Variants in RIDA observed in about 807,000 individuals in gnomAD.
RIDA encodes the protein reactive intermediate imine deaminase A.
In RIDA, 17 loss-of-function variants were observed where a neutral mutation model predicts 17.8. The ratio of observed to expected loss-of-function variants is 0.96; its 90% CI spans 0.65 to 1.43. The LOEUF (loss-of-function observed/expected upper bound fraction) is 1.43, where lower values mean the gene tolerates loss of function less well. Among genes scored for constraint, RIDA ranks in the 40% most tolerant of loss-of-function variants. The pLI is 0.00. For missense variants in RIDA, 158 were observed against 161.7 expected (o/e 0.98, Z 0.12); for synonymous variants, 48 against 55.7 (o/e 0.86, Z 0.62).
Position 98,117,044 on chromosome 8 carries a change from A to G in RIDA, c.53T>C (p.Ile18Thr). Residue 18 changes from isoleucine to threonine, a missense_variant, in exon 1 of 6, where the codon ATT becomes ACT. Ile to Thr is a moderately conservative substitution (Grantham distance 89). Coordinates refer to ENST00000254878, the MANE Select transcript of RIDA (RefSeq NM_005836.3). ...VISTAKAPGA[I>T]GPYSQAVLVD... ...CCAGCCACGTTACCTGTAGGGTCCAATGGCCCCTGGGGCTTTCGCGGTGCT... is the reference window on the plus strand; with the variant it reads ...CCAGCCACGTTACCTGTAGGGTCCAGTGGCCCCTGGGGCTTTCGCGGTGCT... The G allele has an allele frequency of 6.2e-7, 1 of 1,613,458 alleles. No individual in the cohort carries two copies. The highest frequency in any genetic ancestry group is 1.1e-5 in the South Asian group (1 of 91,076).
rs1034322291 is a variant in RIDA at position 98,105,821 on chromosome 8, C to T, written c.295+117G>A. 4 of 647,070 alleles carry T rather than the reference C, an allele frequency of 6.2e-6. No individual in the cohort carries two copies. In the African/African-American group the frequency reaches 7.2e-5, roughly 12 times the overall value. The allele number at this position is 647,070 out of a possible 1,614,324, so 40.1% of individuals were successfully genotyped here. On this transcript the variant is annotated intron_variant, in intron 4 of 5. Coordinates refer to ENST00000254878, the MANE Select transcript of RIDA (RefSeq NM_005836.3). ...ATCAGATTATTAATTCTTTTAAGAT[C>T]TATGACCATTTCTTTAGCATCTCCT...
Position 98,108,722 on chromosome 8 carries a change from TAAA to T in RIDA, c.92_94del (p.Ile31_Tyr32delinsAsn). 1 of 1,613,224 alleles carries T rather than the reference TAAA, an allele frequency of 6.2e-7. No individual in the cohort carries two copies. The highest frequency in any genetic ancestry group is 8.5e-7 in the Non-Finnish European group (1 of 1,179,258). ...GTCCATGCCTATCTGTCCTGAAATG[TAAA>T]TGGTCCTGTCGACTAATACAGCTTG... On this transcript the variant is annotated inframe_deletion, in exon 2 of 6. Transcript: ENST00000254878.
At chr8:98,116,967 C>A in intron 1 of RIDA, 65 bp downstream of exon 1, 1 of 1,364,022 alleles carries the variant, frequency 7.3e-7, no homozygotes, top group Admixed American at 1.8e-5. Context: ...CCCGGAGTGG[C>A]CCCAACCCCG....
At chr8:98,104,405 T>C in intron 5 of RIDA, 84 bp downstream of exon 5, 1 of 926,436 alleles carries the variant, frequency 1.1e-6, no homozygotes, top group Non-Finnish European at 1.8e-6. Flanking sequence ...TTAAGTTTCC[T>C]TTCACAGTGC....
Position 98,115,137 on chromosome 8 carries a change from G to A in RIDA, c.65+1895C>T, listed in dbSNP as rs531099151. 8.0e-4 allele frequency among the ~76,000 whole-genome samples: 122 copies of A among 152,092 alleles called. 2 individuals carry two copies. In the South Asian group the frequency reaches 0.017, roughly 22 times the overall value. On this transcript the variant is annotated intron_variant, in intron 1 of 5. Coordinates refer to ENST00000254878, the MANE Select transcript of RIDA (RefSeq NM_005836.3). ...GCATGGTGGCTGACACCTGTAATCC[G>A]AGTACTTTGGGAAGCCGAGGTAGGT...
At position 98,102,812 on chromosome 8, in the gene RIDA, C is replaced by G. The variant is rs2130546982; in HGVS notation, c.*30G>C. ...TCAATTGTAAAAATTAAAATGTTAACAATTCCAGACTACACAGCACTGGGC... is the reference window on the plus strand; with the variant it reads ...TCAATTGTAAAAATTAAAATGTTAAGAATTCCAGACTACACAGCACTGGGC... On this transcript the variant is annotated 3_prime_UTR_variant, in exon 6 of 6. Coordinates refer to ENST00000254878, the MANE Select transcript of RIDA (RefSeq NM_005836.3). 1 of 1,456,068 alleles carries G rather than the reference C, an allele frequency of 6.9e-7. No homozygotes were observed. 90.2% of individuals were successfully genotyped at this position (1,456,068 alleles called of 1,614,324 possible).
At chr8:98,107,339 A>G (rs1229765244) in intron 2 of RIDA, among the ~76,000 whole-genome samples, 2 of 152,158 alleles carry the variant, frequency 1.3e-5, no homozygotes, top group Admixed American at 6.5e-5. Flanking sequence ...CCTGGCTAGC[A>G]CGGTAAAACC....
intron 1 of RIDA, among the ~76,000 whole-genome samples, chr8:98,115,276 T>C (rs1465437204): frequency 2.0e-5 from 3 of 150,882 alleles, no homozygotes; most frequent in African/African-American, 7.3e-5. Context: ...TAATCCCAGC[T>C]ACTTGGGAGG....
At chr8:98,105,250 C>T (rs1435465911) in intron 4 of RIDA, among the ~76,000 whole-genome samples, 1 of 152,010 alleles carries the variant, frequency 6.6e-6, no homozygotes, top group African/African-American at 2.4e-5. Flanking sequence ...GTGCCCATCT[C>T]CAGAAATTTT....
chr8:98,112,027 CTT>C (rs1411889224), intron 1 of RIDA, among the ~76,000 whole-genome samples: 3 of 152,004 alleles, frequency 2.0e-5, no homozygotes, highest in Non-Finnish European at 4.4e-5. Flanking sequence ...TTCTTGTACA[CTT>C]TGTTTTTTTC....
At chr8:98,116,961 G>T in intron 1 of RIDA, 71 bp downstream of exon 1, 1 of 1,249,176 alleles carries the variant, frequency 8.0e-7, no homozygotes, top group Non-Finnish European at 1.2e-6. Flanking sequence ...CTCCGGCCCG[G>T]AGTGGCCCCA....
intron 2 of RIDA, among the ~76,000 whole-genome samples, chr8:98,107,862 C>T (rs997380761): frequency 4.6e-5 from 7 of 152,028 alleles, no homozygotes; most frequent in East Asian, 1.9e-4. Flanking sequence ...CTCCGCCTTC[C>T]GGGTTCAAAC....
intron 1 of RIDA, among the ~76,000 whole-genome samples, chr8:98,112,222 A>ACT (rs1554622864): frequency 2.0e-5 from 3 of 151,544 alleles, no homozygotes; most frequent in Admixed American, 2.0e-4. Context: ...ACACACACAC[A>ACT]CTTTCTCTAA....
chr8:98,113,709 G>C (rs1315660039), intron 1 of RIDA: 2 of 152,132 alleles, frequency 1.3e-5, no homozygotes, highest in Admixed American at 6.5e-5. Context: ...TCTCTAAATA[G>C]GTCAAGGAAG....
intron 1 of RIDA, among the ~76,000 whole-genome samples, chr8:98,111,684 C>T (rs1399784800): frequency 6.6e-6 from 1 of 151,248 alleles, no homozygotes; most frequent in Non-Finnish European, 1.5e-5. Flanking sequence ...TCATTTTAAT[C>T]ATCTTCTTTT....
chr8:98,109,030 A>C (rs560340176), intron 1 of RIDA, among the ~76,000 whole-genome samples: 1 of 152,144 alleles, frequency 6.6e-6, no homozygotes, highest in South Asian at 2.1e-4. Context: ...CAGTCTCTAC[A>C]AAAAACAATA....
In RIDA at chr8:98,111,014, GT is replaced by G. The variant is rs1353016281; in HGVS notation, c.66-2264del. Among the ~76,000 whole-genome samples the G allele has an allele frequency of 1.4e-4, 22 of 152,300 alleles. No individual in the cohort carries two copies. In the East Asian group the frequency reaches 4.2e-3, roughly 29 times the overall value. On this transcript the variant is annotated intron_variant, in intron 1 of 5. Coordinates refer to ENST00000254878, the MANE Select transcript of RIDA (RefSeq NM_005836.3). ...GAGGCCTCCCCAGCCATGTGGAACAGTGAGTCAATTAAGCCTCTTTATAAAT... is the reference window on the plus strand; with the variant it reads ...GAGGCCTCCCCAGCCATGTGGAACAGGAGTCAATTAAGCCTCTTTATAAAT...
At chr8:98,105,170 CTT>C (rs1204114699) in intron 4 of RIDA, among the ~76,000 whole-genome samples, 2 of 131,782 alleles carry the variant, frequency 1.5e-5, no homozygotes, top group Non-Finnish European at 3.2e-5. Flanking sequence ...ACATTTTGAT[CTT>C]GTTTGATGTG....
At chr8:98,106,599 C>A in intron 2 of RIDA, 1 of 342,458 alleles carries the variant, frequency 2.9e-6, no homozygotes, top group Non-Finnish European at 5.3e-6. Flanking sequence ...AGCCAATGTC[C>A]ACAGAAATAA....
Sources: allele counts gnomAD v4.1 joint callset (sites outside exome capture counted in the v4.1 genomes callset), GRCh38; gene constraint gnomAD v4.1.1; transcripts MANE v1.5; gene names NCBI Gene and HGNC (gene_info 2026-07-23, HGNC 2026-07-21).